Variants in PCDHAC2 observed in about 807,000 individuals in gnomAD.
PCDHAC2 encodes the protein protocadherin alpha-C2.
Under a neutral mutation model 63.3 loss-of-function variants are expected in PCDHAC2, and 24 were observed. That is an observed-to-expected ratio of 0.38 (90% CI 0.27 to 0.53). The LOEUF is 0.53. PCDHAC2 is among the 20% of genes least tolerant of loss of function. The pLI is 0.81. For synonymous variants in PCDHAC2, 569 were observed against 529.4 expected, an observed-to-expected ratio of 1.07 and a Z score of -1.03; for missense variants, 1,181 against 1,275.2, an observed-to-expected ratio of 0.93 and a Z score of 1.12.
intron 3 of PCDHAC2, among the ~76,000 whole-genome samples, chr5:140,990,570 C>T (rs142596715): frequency 7.2e-4 from 110 of 152,260 alleles, no homozygotes; most frequent in African/African-American, 2.4e-3. Context: ...CACACCTGTT[C>T]GATCTCTTTT....
intron 3 of PCDHAC2, among the ~76,000 whole-genome samples, chr5:140,987,537 T>C (rs1343074603): frequency 6.6e-6 from 1 of 152,176 alleles, no homozygotes; most frequent in African/African-American, 2.4e-5. Context: ...CCTGGGACCA[T>C]TACTTAACTT....
intron 3 of PCDHAC2, among the ~76,000 whole-genome samples, chr5:140,996,915 A>G (rs1167259941): frequency 6.6e-6 from 1 of 152,244 alleles, no homozygotes; most frequent in Non-Finnish European, 1.5e-5. Flanking sequence ...TGAAGTAAAT[A>G]TTAAAAAATA....
chr5:140,982,357 A>G, intron 2 of PCDHAC2, 118 bp from the exon 3 acceptor site: 1 of 1,520,660 alleles, frequency 6.6e-7, no homozygotes. Flanking sequence ...TTCAAGCATG[A>G]GCAGAATGTG....
At chr5:140,982,823 G>A (rs1187029355) in intron 3 of PCDHAC2, among the ~76,000 whole-genome samples, 2 of 151,450 alleles carry the variant, frequency 1.3e-5, no homozygotes, top group South Asian at 2.1e-4. Context: ...GAAGTTTTTG[G>A]GGTTTGTTTG....
intron 3 of PCDHAC2, among the ~76,000 whole-genome samples, chr5:140,995,291 G>A (rs958346050): frequency 1.4e-4 from 22 of 152,086 alleles, no homozygotes; most frequent in African/African-American, 4.6e-4. Flanking sequence ...ACAGCCAGTC[G>A]GATACCAAGA....
intron 1 of PCDHAC2, among the ~76,000 whole-genome samples, chr5:140,971,377 T>C (rs2096474353): frequency 6.6e-6 from 1 of 152,210 alleles, no homozygotes; most frequent in African/African-American, 2.4e-5. Flanking sequence ...AGTGCATGAC[T>C]TTAATAAAGG....
chr5:140,967,489 A>G lies in PCDHAC2; in HGVS notation c.723A>G (p.Ala241=). Residue 241 remains alanine, a synonymous_variant, in exon 1 of 4, where the codon GCA becomes GCG. Transcript: ENST00000289269. The part of the protein sequence containing the change: ...DGGIPARSGT[A]QISVRVLDTN... ...GCATCCCAGCCCGCTCGGGTACGGC[A>G]CAGATCTCTGTGCGTGTCCTGGACA... The G allele has an allele frequency of 2.5e-6, 4 of 1,613,456 alleles. No individual in the cohort carries two copies. Among genetic ancestry groups the G allele is most frequent in the Non-Finnish European group, 3.4e-6 (4 of 1,179,724 alleles).
At chr5:140,978,835 A>G in intron 1 of PCDHAC2, 114 bp from the exon 2 acceptor site, 2 of 1,550,342 alleles carry the variant, frequency 1.3e-6, no homozygotes, top group Non-Finnish European at 1.7e-6. Flanking sequence ...TGGCTCATTC[A>G]ATACTTTTTT....
intron 3 of PCDHAC2, 29 bp from the exon 4 acceptor site, chr5:141,009,598 T>C: frequency 6.2e-7 from 1 of 1,606,306 alleles, no homozygotes; most frequent in Non-Finnish European, 8.5e-7. Flanking sequence ...GTTGACCCTG[T>C]TAATGATTTG....
At chr5:140,992,153 T>C (rs191199905) in intron 3 of PCDHAC2, among the ~76,000 whole-genome samples, 76 of 152,066 alleles carry the variant, frequency 5.0e-4, no homozygotes, top group African/African-American at 1.8e-3. Flanking sequence ...CTTTGCTCAA[T>C]CAAGAAGTGT....
chr5:140,994,473 C>T (rs1199561805), intron 3 of PCDHAC2, among the ~76,000 whole-genome samples: 2 of 152,038 alleles, frequency 1.3e-5, no homozygotes, highest in Admixed American at 6.5e-5. Flanking sequence ...GAGGCTGAGG[C>T]GGGTGGATTG....
Position 140,969,338 on chromosome 5 carries a change from C to G in PCDHAC2, c.2565+7C>G. On this transcript the variant is annotated splice_region_variant and intron_variant, in intron 1 of 3. Transcript: ENST00000289269. ...GGCTGTTTCTCAAAATGAGGTGAGA[C>G]AGTGGTCAGGGGGTCTTCTACAAAC... The G allele has an allele frequency of 1.1e-5, 18 of 1,613,914 alleles. No homozygotes were observed. The highest frequency in any genetic ancestry group is 1.4e-5 in the Non-Finnish European group (17 of 1,179,926).
intron 2 of PCDHAC2, among the ~76,000 whole-genome samples, chr5:140,981,989 A>G (rs1343187322): frequency 2.0e-5 from 3 of 152,236 alleles, no homozygotes; most frequent in African/African-American, 4.8e-5. Flanking sequence ...AAAATAGAAA[A>G]TAAGGTTAAG....
At position 140,967,211 on chromosome 5, in the gene PCDHAC2, C is replaced by T. The variant is rs549238768; in HGVS notation, c.445C>T (p.Pro149Ser). Residue 149 changes from proline (P) to serine (S), a missense_variant, in exon 1 of 4, where the codon CCG becomes TCG. Around this residue, in one of 3 missense-constraint regions of PCDHAC2, gnomAD observed 968 missense variants for 1,073.5 expected, o/e 0.90. Transcript: ENST00000289269. ...LDINDNSPRF[P>S]RPNYQLQVSE... ...CATCAACGACAACTCACCGCGTTTC[C>T]CGCGGCCCAACTACCAGCTTCAGGT... 1.1e-5 allele frequency: 18 copies of T among 1,613,676 alleles called. No individual in the cohort carries two copies. The East Asian group carries it at 3.3e-4, about 30-fold the overall frequency.
Position 140,986,801 on chromosome 5 carries a change from T to C in PCDHAC2, c.2713+4238T>C, listed in dbSNP as rs1381514203. ...CGGAAGCCACTAAGGCAGTGAGTCT[T>C]AGTTAGAGAACTTTGGTTTAGACAA... On this transcript the variant is annotated intron_variant, in intron 3 of 3. Coordinates refer to ENST00000289269, the MANE Select transcript of PCDHAC2 (RefSeq NM_018899.6). 2.0e-5 allele frequency among the ~76,000 whole-genome samples: 3 copies of C among 152,144 alleles called. No homozygotes were observed. The East Asian group carries it at 5.8e-4, about 29-fold the overall frequency.
In PCDHAC2 at chr5:141,011,378, C is replaced by T. The variant is rs1419825590; in HGVS notation, c.*1441C>T. 1 of 153,742 alleles carries T rather than the reference C, an allele frequency of 6.5e-6. No individual in the cohort carries two copies. Among genetic ancestry groups the T allele is most frequent in the African/African-American group, 2.4e-5 (1 of 41,460 alleles). The allele number at this position is 153,742 out of a possible 1,614,324, so 9.5% of individuals were successfully genotyped here. Reference sequence around the variant, plus strand: ...ATGTATGCTGTATGCTATGCTAAGACTCCTGAAATATACTTACTCTGTGCT... The same window carrying T: ...ATGTATGCTGTATGCTATGCTAAGATTCCTGAAATATACTTACTCTGTGCT... On this transcript the variant is annotated 3_prime_UTR_variant, in exon 4 of 4. Coordinates refer to ENST00000289269, the MANE Select transcript of PCDHAC2 (RefSeq NM_018899.6).
chr5:140,968,110 G>A lies in PCDHAC2; in HGVS notation c.1344G>A (p.Gln448=). ...TVTATDGGIP[Q]LTSLRTLKVE... ...CAGCCACAGATGGGGGAATACCGCA[G>A]CTCACATCCCTGCGTACACTGAAGG... The change falls in exon 1 of 4, where the codon CAG becomes CAA. Residue 448 remains glutamine, a synonymous_variant. Transcript: ENST00000289269. 1.2e-6 allele frequency: 2 copies of A among 1,614,172 alleles called. No homozygotes were observed. The highest frequency in any genetic ancestry group is 1.7e-6 in the Non-Finnish European group (2 of 1,180,034).
intron 3 of PCDHAC2, among the ~76,000 whole-genome samples, chr5:140,982,811 A>G (rs1024619481): frequency 1.3e-5 from 2 of 150,966 alleles, no homozygotes; most frequent in Non-Finnish European, 1.5e-5. Flanking sequence ...GTGTGTGTGT[A>G]TGAAGTTTTT....
intron 3 of PCDHAC2, among the ~76,000 whole-genome samples, chr5:140,997,807 G>A (rs557351308): frequency 4.5e-4 from 68 of 152,118 alleles, no homozygotes; most frequent in African/African-American, 1.5e-3. Context: ...CCAATTTGCT[G>A]TTGGTATCTA....
Sources: gnomAD v4.1 joint callset for allele counts (sites outside exome capture counted in the v4.1 genomes callset) on GRCh38, gnomAD v4.1.1 for gene constraint, gnomAD v4.1.1 regional missense constraint, MANE v1.5 for transcripts, NCBI Gene and HGNC (gene_info 2026-07-23, HGNC 2026-07-21) for gene names.